Variants in RIMS2 observed in about 807,000 individuals in gnomAD.
The protein encoded by RIMS2 is regulating synaptic membrane exocytosis 2.
Under a neutral mutation model 174.4 loss-of-function variants are expected in RIMS2, and 59 were observed. The observed-to-expected ratio is 0.34, with a 90% CI of 0.27 to 0.42. The LOEUF (loss-of-function observed/expected upper bound fraction) is 0.42, where lower values mean the gene tolerates loss of function less well. Among genes scored for constraint, RIMS2 ranks in the 10% least tolerant of loss-of-function variants. The probability of loss-of-function intolerance (pLI) is 1.00; values close to 1 mark genes in which losing one functional copy is unlikely to be tolerated. For missense variants in RIMS2, 1,620 were observed against 1,666.3 expected, an observed-to-expected ratio of 0.97 and a Z score of 0.48; for synonymous variants, 606 against 572.5, an observed-to-expected ratio of 1.06 and a Z score of -0.84.
At chr8:103,574,681 G>A (rs759355664) in intron 1 of RIMS2, among the ~76,000 whole-genome samples, 1 of 152,140 alleles carries the variant, frequency 6.6e-6, no homozygotes, top group Non-Finnish European at 1.5e-5. Flanking sequence ...TCAGTGTTAC[G>A]AGTGGTACTT....
intron 17 of RIMS2, among the ~76,000 whole-genome samples, chr8:103,996,439 T>A (rs2095105885): frequency 6.6e-6 from 1 of 151,924 alleles, no homozygotes; most frequent in Non-Finnish European, 1.5e-5. Flanking sequence ...CAGAAGCAGA[T>A]GGAAAAGTGT....
At chr8:103,941,315 T>C (rs2082475021) in intron 13 of RIMS2, among the ~76,000 whole-genome samples, 1 of 151,594 alleles carries the variant, frequency 6.6e-6, no homozygotes, top group African/African-American at 2.4e-5. Flanking sequence ...GAACCCCATG[T>C]CTAAAAATAA....
At chr8:103,936,523 G>A in intron 12 of RIMS2, 28 bp from the exon 15 acceptor site, 1 of 1,447,226 alleles carries the variant, frequency 6.9e-7, no homozygotes, top group African/African-American at 1.4e-5. Context: ...TTCTATGTAA[G>A]TTCATAATTC....
At chr8:104,136,752 A>G (rs1421996432) in intron 19 of RIMS2, among the ~76,000 whole-genome samples, 1 of 152,158 alleles carries the variant, frequency 6.6e-6, no homozygotes, top group Non-Finnish European at 1.5e-5. Flanking sequence ...AATGATGAGA[A>G]CACATGGACA....
chr8:103,603,850 T>G (rs1775541859), intron 1 of RIMS2, among the ~76,000 whole-genome samples: 3 of 149,856 alleles, frequency 2.0e-5, no homozygotes, highest in African/African-American at 7.4e-5. Context: ...GGGTTGTTTG[T>G]TTTTTTCTTG....
At chr8:103,613,193 A>T (rs2095426580) in intron 1 of RIMS2, among the ~76,000 whole-genome samples, 1 of 152,198 alleles carries the variant, frequency 6.6e-6, no homozygotes, top group Admixed American at 6.5e-5. Flanking sequence ...ATTTGGAGTC[A>T]AAAACCTTAG....
chr8:104,066,378 A>G (rs1363505241), intron 19 of RIMS2, among the ~76,000 whole-genome samples: 1 of 137,148 alleles, frequency 7.3e-6, no homozygotes, highest in East Asian at 2.0e-4. Context: ...TTATCACTAC[A>G]TATTTATATC....
chr8:103,758,422 C>G (rs912759859), intron 2 of RIMS2, among the ~76,000 whole-genome samples: 17 of 152,170 alleles, frequency 1.1e-4, no homozygotes, highest in African/African-American at 4.1e-4. Context: ...GTCAAAGTTA[C>G]AAGTGTGTCC....
At chr8:103,501,729 A>G (rs938534047) in intron 1 of RIMS2, 2 of 152,356 alleles carry the variant, frequency 1.3e-5, no homozygotes, top group African/African-American at 4.8e-5. Flanking sequence ...GTTTGCAACT[A>G]GTAAATCTGT....
At chr8:103,698,778 T>C (rs1482711174) in intron 2 of RIMS2, among the ~76,000 whole-genome samples, 2 of 152,170 alleles carry the variant, frequency 1.3e-5, no homozygotes, top group African/African-American at 4.8e-5. Context: ...TCTGATTTAA[T>C]AAAATTTTGT....
intron 1 of RIMS2, among the ~76,000 whole-genome samples, chr8:103,674,255 C>T (rs765019161): frequency 6.6e-6 from 1 of 152,148 alleles, no homozygotes; most frequent in Non-Finnish European, 1.5e-5. Flanking sequence ...CTTCTGAGCC[C>T]TCCAAACTCT....
intron 3 of RIMS2, among the ~76,000 whole-genome samples, chr8:103,808,968 T>C (rs886169190): frequency 4.6e-5 from 7 of 152,196 alleles, no homozygotes; most frequent in Non-Finnish European, 8.8e-5. Flanking sequence ...GGACTTGATA[T>C]ATCTGTTGAC....
chr8:103,922,164 A>G (rs2077803136), intron 10 of RIMS2, among the ~76,000 whole-genome samples: 1 of 152,026 alleles, frequency 6.6e-6, no homozygotes, highest in African/African-American at 2.4e-5. Context: ...AAAAGTAAAC[A>G]TGTATTCTTC....
At chr8:104,059,449 C>T (rs2096935888) in intron 19 of RIMS2, among the ~76,000 whole-genome samples, 1 of 150,616 alleles carries the variant, frequency 6.6e-6, no homozygotes, top group South Asian at 2.1e-4. Flanking sequence ...AAGTTGCTTA[C>T]CAGCTTAAGG....
At chr8:104,227,606 T>C (rs2099196411) in intron 19 of RIMS2, among the ~76,000 whole-genome samples, 1 of 152,164 alleles carries the variant, frequency 6.6e-6, no homozygotes, top group Admixed American at 6.5e-5. Flanking sequence ...AAATGGCACA[T>C]TTTCTAATAC....
At chr8:103,612,729 C>A (rs1470936203) in intron 1 of RIMS2, among the ~76,000 whole-genome samples, 1 of 152,130 alleles carries the variant, frequency 6.6e-6, no homozygotes, top group East Asian at 1.9e-4. Flanking sequence ...CAGGTGCGTG[C>A]CACCATGCCT....
At chr8:104,097,079 A>G (rs2097775786) in intron 19 of RIMS2, among the ~76,000 whole-genome samples, 1 of 152,140 alleles carries the variant, frequency 6.6e-6, no homozygotes. Context: ...ATAACAACTT[A>G]TGTTCTTATA....
intron 1 of RIMS2, among the ~76,000 whole-genome samples, chr8:103,611,429 C>T (rs1049139300): frequency 6.6e-6 from 1 of 151,836 alleles, no homozygotes; most frequent in African/African-American, 2.4e-5. Flanking sequence ...TTCTTCTTGC[C>T]CATTAACATT....
At chr8:103,515,727 A>G (rs1376896587) in intron 1 of RIMS2, among the ~76,000 whole-genome samples, 1 of 152,056 alleles carries the variant, frequency 6.6e-6, no homozygotes, top group Admixed American at 6.6e-5. Context: ...TGATTATAGA[A>G]CTTTTCTACT....
Sources: gnomAD v4.1 joint callset for allele counts (sites outside exome capture counted in the v4.1 genomes callset) on GRCh38, gnomAD v4.1.1 for gene constraint, MANE v1.5 for transcripts, NCBI Gene and HGNC (gene_info 2026-07-23, HGNC 2026-07-21) for gene names.